GLDN: variants seen among roughly 807,000 people sequenced by gnomAD.
The protein encoded by GLDN is collomin.
A neutral mutation model predicts 56.5 loss-of-function variants in GLDN; 47 were observed. The observed-to-expected ratio is 0.83, with a 90% CI of 0.66 to 1.06. The LOEUF is 1.06. Among genes scored for constraint, GLDN ranks in the 50% least tolerant of loss-of-function variants. The pLI is 0.00. For synonymous variants in GLDN, 332 were observed against 278.8 expected (o/e 1.19, Z -1.90); for missense variants, 782 against 714.3 (o/e 1.09, Z -1.08).
Position 51,381,237 on chromosome 15 carries a change from C to T in GLDN, c.416-2199C>T, listed in dbSNP as rs190723839. Among the ~76,000 whole-genome samples, 5 of 152,326 alleles carry T rather than the reference C, an allele frequency of 3.3e-5. No homozygotes were observed. In the East Asian group the frequency reaches 7.7e-4, roughly 23 times the overall value. ...TGCATGGACGTGGTTATCAGACTGTCGTGAGAACTTTTGAAACCTACTGTG... is the reference window on the plus strand; with the variant it reads ...TGCATGGACGTGGTTATCAGACTGTTGTGAGAACTTTTGAAACCTACTGTG... On this transcript the variant is annotated intron_variant, in intron 2 of 9. Coordinates refer to ENST00000335449, the MANE Select transcript of GLDN (RefSeq NM_181789.4).
At chr15:51,380,553 C>T (rs910767460) in intron 2 of GLDN, among the ~76,000 whole-genome samples, 6 of 152,218 alleles carry the variant, frequency 3.9e-5, no homozygotes, top group African/African-American at 1.2e-4. Context: ...GAGGACATCC[C>T]GCCATCACCA....
intron 4 of GLDN, among the ~76,000 whole-genome samples, chr15:51,391,398 T>C (rs936053474): frequency 2.0e-5 from 3 of 152,162 alleles, no homozygotes; most frequent in Non-Finnish European, 4.4e-5. Context: ...GAAAAAGATA[T>C]CCTTGCAGGA....
downstream of GLDN, among the ~76,000 whole-genome samples, chr15:51,408,827 C>T (rs1176253853): frequency 6.6e-6 from 1 of 152,016 alleles, no homozygotes; most frequent in Admixed American, 6.5e-5. Context: ...TGATGGTTTC[C>T]AGCTTCATCC....
At chr15:51,404,109 C>A (rs927001906) in intron 9 of GLDN, among the ~76,000 whole-genome samples, 168 bp from the exon 10 acceptor site, 22 of 152,202 alleles carry the variant, frequency 1.4e-4, no homozygotes, top group African/African-American at 5.3e-4. Context: ...CTGCTCACAG[C>A]ATTGCCCAAG....
chr15:51,348,366 A>C (rs2037016626), intron 1 of GLDN, among the ~76,000 whole-genome samples: 3 of 151,682 alleles, frequency 2.0e-5, no homozygotes. Context: ...AAGGTCTTAC[A>C]GTGTCGCCCA....
Position 51,394,817 on chromosome 15 carries a change from T to C in GLDN, c.542-18T>C. 6.2e-7 allele frequency: 1 copy of C among 1,613,846 alleles called. No individual in the cohort carries two copies. The highest frequency in any genetic ancestry group is 8.5e-7 in the Non-Finnish European group (1 of 1,179,888). On this transcript the variant is annotated intron_variant, in intron 4 of 9. Coordinates refer to ENST00000335449, the MANE Select transcript of GLDN (RefSeq NM_181789.4). ...TTTTTGCACCATAGGCTAATATGTC[T>C]TTTGTTTTTTTGGTCAGGGATACCT...
At chr15:51,373,242 G>A (rs1595817909) in intron 1 of GLDN, among the ~76,000 whole-genome samples, 1 of 152,240 alleles carries the variant, frequency 6.6e-6, no homozygotes, top group African/African-American at 2.4e-5. Flanking sequence ...GTATCTGTGG[G>A]GGATTGGGTC....
Position 51,406,319 on chromosome 15 carries a change from G to A in GLDN, c.*1565G>A, listed in dbSNP as rs1053347267. The A allele has an allele frequency of 6.6e-6, 1 of 152,118 alleles. No homozygotes were observed. The highest frequency in any genetic ancestry group is 2.4e-5 in the African/African-American group (1 of 41,402). 9.4% of individuals were successfully genotyped at this position (152,118 alleles called of 1,614,324 possible). A position where few individuals can be genotyped will look rare whatever the true frequency, so the allele number is the denominator to read the frequency against. ...AGCCCAGCGCTGCGGCCCCGGGAAG[G>A]GCCACTGCGAATAGAGAGGAAGCTG... is the stretch of plus-strand genomic sequence containing the variant. On this transcript the variant is annotated 3_prime_UTR_variant, in exon 10 of 10. Transcript: ENST00000335449.
chr15:51,404,891 C>T lies in GLDN; in HGVS notation c.*137C>T, dbSNP rs7168450. On this transcript the variant is annotated 3_prime_UTR_variant, in exon 10 of 10. Coordinates refer to ENST00000335449, the MANE Select transcript of GLDN (RefSeq NM_181789.4). ...AAAAGTGTTTATATGGTCAGTGAGC[C>T]CCGCTTAGTGAAATAGCAACAGATT... 2,037 of 650,172 alleles carry T rather than the reference C, an allele frequency of 3.1e-3. 22 individuals carry two copies. In the African/African-American group the frequency reaches 0.033, roughly 11 times the overall value. The allele number at this position is 650,172 out of a possible 1,614,324, so 40.3% of individuals were successfully genotyped here.
chr15:51,396,027 CTCCATGA>C (rs1283538559), intron 5 of GLDN, among the ~76,000 whole-genome samples: 1 of 152,180 alleles, frequency 6.6e-6, no homozygotes, highest in Non-Finnish European at 1.5e-5. Flanking sequence ...AGGGCTCTGC[CTCCATGA>C]TCCAAACACC....
chr15:51,399,917 T>G (rs2038212156), intron 6 of GLDN, among the ~76,000 whole-genome samples: 1 of 152,248 alleles, frequency 6.6e-6, no homozygotes, highest in African/African-American at 2.4e-5. Flanking sequence ...CAGGCCACTT[T>G]GTTGCTTTTA....
At chr15:51,372,412 G>A (rs573159842) in intron 1 of GLDN, among the ~76,000 whole-genome samples, 3 of 152,294 alleles carry the variant, frequency 2.0e-5, no homozygotes, top group Non-Finnish European at 4.4e-5. Flanking sequence ...CTTCCCACCT[G>A]GGAGATGAAC....
chr15:51,382,124 A>G (rs2037776025), intron 2 of GLDN, among the ~76,000 whole-genome samples: 1 of 152,098 alleles, frequency 6.6e-6, no homozygotes, highest in African/African-American at 2.4e-5. Flanking sequence ...CCCTTCATGG[A>G]ATGCCAGACC....
rs189658504 is a variant in GLDN, at chr15:51,383,401, G to A, written c.416-35G>A. On this transcript the variant is annotated intron_variant, in intron 2 of 9. Transcript: ENST00000335449. ...GTGCTCTTTGTTTTCTGGGTTCGGT[G>A]CTGGTTTCTCAACTAAATTTTTTTT... is the stretch of plus-strand genomic sequence containing the variant. 162 of 1,613,278 alleles carry A rather than the reference G, an allele frequency of 1.0e-4. No individual in the cohort carries two copies. In the East Asian group the frequency reaches 3.1e-3, roughly 30 times the overall value.
intron 4 of GLDN, among the ~76,000 whole-genome samples, chr15:51,391,117 T>C (rs914805690): frequency 2.6e-5 from 4 of 152,116 alleles, no homozygotes; most frequent in Admixed American, 2.6e-4. Context: ...GTAGACAAAA[T>C]GTCCCCCAAC....
rs376140526 is a variant in GLDN, at chr15:51,369,750, G to A, written c.364-7699G>A. Among the ~76,000 whole-genome samples, 10 of 152,188 alleles carry A rather than the reference G, an allele frequency of 6.6e-5. 1 individual carries two copies. The East Asian group carries it at 1.3e-3, about 21-fold the overall frequency. ...TCTATTAGTAAAAATTTAATATCCT[G>A]TTTATATGAAAAGTACACTAAAGCA... On this transcript the variant is annotated intron_variant, in intron 1 of 9. Coordinates refer to ENST00000335449, the MANE Select transcript of GLDN (RefSeq NM_181789.4).
chr15:51,406,553 T>A lies in GLDN; in HGVS notation c.*1799T>A, dbSNP rs1243252454. On this transcript the variant is annotated 3_prime_UTR_variant, in exon 10 of 10. Coordinates refer to ENST00000335449, the MANE Select transcript of GLDN (RefSeq NM_181789.4). Reference sequence around the variant, plus strand: ...TGGGCATGGTGGCACATAACTGCAATCCCAGCTACTTTGGAGGCAGGGATG... The same window carrying A: ...TGGGCATGGTGGCACATAACTGCAAACCCAGCTACTTTGGAGGCAGGGATG... The A allele has an allele frequency of 6.6e-6, 1 of 152,182 alleles. No individual in the cohort carries two copies. The highest frequency in any genetic ancestry group is 1.5e-5 in the Non-Finnish European group (1 of 68,050). 9.4% of individuals were successfully genotyped at this position (152,182 alleles called of 1,614,324 possible). A position where few individuals can be genotyped will look rare whatever the true frequency, so the allele number is the denominator to read the frequency against.
chr15:51,362,006 G>A (rs1486326187), intron 1 of GLDN, among the ~76,000 whole-genome samples: 1 of 152,176 alleles, frequency 6.6e-6, no homozygotes, highest in Non-Finnish European at 1.5e-5. Context: ...AAGTAGTGTG[G>A]CTGGGGAAGC....
intron 1 of GLDN, among the ~76,000 whole-genome samples, chr15:51,365,744 T>C (rs1038459961): frequency 1.1e-4 from 16 of 152,220 alleles, no homozygotes; most frequent in African/African-American, 3.6e-4. Context: ...ACGTTTTTCA[T>C]TTTCATGCAG....
Sources: allele counts gnomAD v4.1 joint callset (sites outside exome capture counted in the v4.1 genomes callset), GRCh38; gene constraint gnomAD v4.1.1; transcripts MANE v1.5; gene names NCBI Gene and HGNC (gene_info 2026-07-23, HGNC 2026-07-21).